Variants in ST7L observed in about 807,000 individuals in gnomAD.
ST7L encodes suppressor of tumorigenicity 7 protein-like.
A neutral mutation model predicts 72.5 loss-of-function variants in ST7L; 57 were observed. The ratio of observed to expected loss-of-function variants is 0.79; its 90% CI spans 0.64 to 0.98. The LOEUF is 0.98. ST7L is among the 50% of genes least tolerant of loss of function. The pLI is 0.00. For missense variants in ST7L, 576 were observed against 672.2 expected (o/e 0.86, Z 1.58); for synonymous variants, 221 against 240.9 (o/e 0.92, Z 0.77).
intron 5 of ST7L, among the ~76,000 whole-genome samples, chr1:112,595,051 A>G (rs1666243011): frequency 6.6e-6 from 1 of 152,194 alleles, no homozygotes; most frequent in South Asian, 2.1e-4. Context: ...AAGAAAAAAG[A>G]CAACATTTAC....
At chr1:112,541,627 G>C (rs895689128) in intron 14 of ST7L, among the ~76,000 whole-genome samples, 2 of 152,126 alleles carry the variant, frequency 1.3e-5, no homozygotes, top group Admixed American at 6.5e-5. Flanking sequence ...CAAAGGGTTT[G>C]TTTACAAAAT....
intron 9 of ST7L, among the ~76,000 whole-genome samples, chr1:112,579,813 G>C (rs1056643434): frequency 2.0e-5 from 3 of 152,130 alleles, no homozygotes; most frequent in African/African-American, 7.2e-5. Context: ...TGAAAATACA[G>C]AAGCATATCA....
intron 11 of ST7L, among the ~76,000 whole-genome samples, chr1:112,575,570 G>T (rs989349229): frequency 6.6e-6 from 1 of 152,156 alleles, no homozygotes; most frequent in East Asian, 1.9e-4. Flanking sequence ...ACTAATGGGC[G>T]GGTAGCATAG....
intron 14 of ST7L, among the ~76,000 whole-genome samples, chr1:112,534,198 G>A (rs987271396): frequency 6.6e-6 from 1 of 152,104 alleles, no homozygotes; most frequent in African/African-American, 2.4e-5. Context: ...GCAAGCCACT[G>A]GATATCACCA....
chr1:112,562,361 T>C (rs1044519887), intron 11 of ST7L, among the ~76,000 whole-genome samples: 1 of 152,006 alleles, frequency 6.6e-6, no homozygotes, highest in African/African-American at 2.4e-5. Flanking sequence ...CTATATAAGC[T>C]AGGAAGAGTG....
chr1:112,535,554 A>AC (rs1655061692), intron 14 of ST7L, among the ~76,000 whole-genome samples: 1 of 150,988 alleles, frequency 6.6e-6, no homozygotes, highest in African/African-American at 2.4e-5. Flanking sequence ...ACAAAGTGAG[A>AC]CCCCATCTCT....
chr1:112,520,355 G>A, downstream of ST7L: 1 of 1,614,134 alleles, frequency 6.2e-7, no homozygotes, highest in Non-Finnish European at 8.5e-7. Context: ...ATGTGCTGTG[G>A]CCGAGGGTAC....
chr1:112,556,338 T>C (rs917277575), intron 11 of ST7L, among the ~76,000 whole-genome samples: 10 of 152,216 alleles, frequency 6.6e-5, no homozygotes, highest in African/African-American at 2.4e-4. Context: ...AGGAATTAAA[T>C]GTAAAAATTA....
chr1:112,563,318 T>C (rs567265159), intron 11 of ST7L, among the ~76,000 whole-genome samples: 2 of 152,218 alleles, frequency 1.3e-5, no homozygotes, highest in African/African-American at 2.4e-5. Flanking sequence ...GTTTGGCAGT[T>C]TGAAGAAAGG....
At chr1:112,590,401 A>C (rs902540122) in intron 6 of ST7L, among the ~76,000 whole-genome samples, 4 of 152,188 alleles carry the variant, frequency 2.6e-5, no homozygotes, top group African/African-American at 9.7e-5. Context: ...GGTTACTGTA[A>C]ACTTTTCATT....
At chr1:112,568,330 A>ATTTTTTT (rs776031521) in intron 11 of ST7L, among the ~76,000 whole-genome samples, 4 of 116,808 alleles carry the variant, frequency 3.4e-5, no homozygotes, top group African/African-American at 6.9e-5. Context: ...CTGTAATAAT[A>ATTTTTTT]TTTTTTTTTT....
At chr1:112,550,767 A>T (rs1276727488) in intron 12 of ST7L, 74 bp from the exon 13 acceptor site, 9 of 1,242,988 alleles carry the variant, frequency 7.2e-6, no homozygotes, top group Non-Finnish European at 1.0e-5. Flanking sequence ...ACAAATTTAT[A>T]TAGAAATTTC....
At chr1:112,595,596 T>C (rs990224160) in intron 5 of ST7L, among the ~76,000 whole-genome samples, 1 of 151,862 alleles carries the variant, frequency 6.6e-6, no homozygotes, top group African/African-American at 2.4e-5. Context: ...AATTTTAAAC[T>C]TTTTTTGTAG....
At chr1:112,584,834 A>C (rs1221749166) in intron 6 of ST7L, among the ~76,000 whole-genome samples, 4 of 152,116 alleles carry the variant, frequency 2.6e-5, no homozygotes, top group Non-Finnish European at 5.9e-5. Flanking sequence ...CATCCATTTC[A>C]TGGGGCAGGT....
At chr1:112,561,082 A>C (rs1338325998) in intron 11 of ST7L, among the ~76,000 whole-genome samples, 1 of 152,124 alleles carries the variant, frequency 6.6e-6, no homozygotes, top group Non-Finnish European at 1.5e-5. Context: ...ACTCTCTGGG[A>C]AAACTAAAAC....
chr1:112,598,791 C>T (rs935325167), intron 4 of ST7L, among the ~76,000 whole-genome samples: 16 of 151,508 alleles, frequency 1.1e-4, no homozygotes, highest in African/African-American at 3.9e-4. Flanking sequence ...CAGTGGCTCA[C>T]GCACGCCTTA....
At chr1:112,568,570 T>C (rs374194316) in intron 11 of ST7L, among the ~76,000 whole-genome samples, 30 of 151,082 alleles carry the variant, frequency 2.0e-4, no homozygotes, top group African/African-American at 5.1e-4. Flanking sequence ...CTCCTGACCT[T>C]GTGATTCGCC....
intron 2 of ST7L, among the ~76,000 whole-genome samples, chr1:112,612,086 A>C (rs1284785164): frequency 1.3e-5 from 2 of 151,886 alleles, no homozygotes; most frequent in Non-Finnish European, 2.9e-5. Flanking sequence ...AAGAGATTTT[A>C]ATCTTTTTAT....
chr1:112,606,576 T>C (rs2100994934), intron 3 of ST7L, among the ~76,000 whole-genome samples: 1 of 152,380 alleles, frequency 6.6e-6, no homozygotes, highest in Middle Eastern at 3.4e-3. Flanking sequence ...GCTCCAAAGC[T>C]GTTTCCACAT....
Sources: allele counts gnomAD v4.1 joint callset (sites outside exome capture counted in the v4.1 genomes callset), GRCh38; gene constraint gnomAD v4.1.1; transcripts MANE v1.5; gene names NCBI Gene and HGNC (gene_info 2026-07-23, HGNC 2026-07-21).